OVCH2: variants seen among roughly 807,000 people sequenced by gnomAD.
OVCH2 encodes the protein ovochymase 2.
OVCH2 carries 88 observed loss-of-function variants against 73.7 expected under a neutral mutation model. The observed-to-expected ratio is 1.19, with a 90% CI of 1.01 to 1.43. OVCH2 has a LOEUF of 1.43. Ranked by LOEUF, OVCH2 falls within the 40% of genes most tolerant of loss-of-function variation. The pLI is 0.00. For missense variants in OVCH2, 706 were observed against 674.5 expected (o/e 1.05, Z -0.52); for synonymous variants, 265 against 234.5 (o/e 1.13, Z -1.19).
At chr11:7,692,627 G>T (rs141953584) in intron 12 of OVCH2, among the ~76,000 whole-genome samples, 4 of 152,156 alleles carry the variant, frequency 2.6e-5, no homozygotes, top group Non-Finnish European at 5.9e-5. Context: ...AAGTGGGCTC[G>T]GAGTCAAATG....
chr11:7,694,293 C>A (rs968028213), intron 12 of OVCH2, among the ~76,000 whole-genome samples: 1 of 152,252 alleles, frequency 6.6e-6, no homozygotes, highest in Admixed American at 6.5e-5. Flanking sequence ...AACAACTAAC[C>A]ACACACTGCT....
chr11:7,689,471 T>C lies in OVCH2; in HGVS notation c.*163A>G, dbSNP rs200760354. On this transcript the variant is annotated 3_prime_UTR_variant, in exon 16 of 16. Coordinates refer to ENST00000533663, the MANE Select transcript of OVCH2 (RefSeq NM_198185.7). ...ACAACAGAAATTTATTGTCTCATAG[T>C]TCTGGAGGCTAGAAGTCCAAGATCA... is the stretch of plus-strand genomic sequence containing the variant. The C allele has an allele frequency of 1.4e-4, 47 of 347,502 alleles. No homozygotes were observed. In the East Asian group the frequency reaches 3.4e-3, roughly 25 times the overall value. The allele number at this position is 347,502 out of a possible 1,614,324, so 21.5% of individuals were successfully genotyped here. A position where few individuals can be genotyped will look rare whatever the true frequency, so the allele number is the denominator to read the frequency against.
At chr11:7,680,234 C>A in the OVCH2 span, among the ~76,000 whole-genome samples, 1 of 152,142 alleles carries the variant, frequency 6.6e-6, no homozygotes, top group Non-Finnish European at 1.5e-5. Context: ...TGTGTGGTCT[C>A]TTAGGCTACT....
chr11:7,693,549 T>C (rs1272461098), intron 12 of OVCH2, among the ~76,000 whole-genome samples: 2 of 152,246 alleles, frequency 1.3e-5, no homozygotes, highest in Non-Finnish European at 2.9e-5. Flanking sequence ...CACTTCTGGC[T>C]CTGGCATTTT....
chr11:7,701,692 G>C, intron 5 of OVCH2, 24 bp downstream of exon 5: 2 of 1,599,314 alleles, frequency 1.3e-6, no homozygotes, highest in Non-Finnish European at 1.7e-6. Context: ...CTCTGCTTAA[G>C]AGGAATGGCA....
intron 8 of OVCH2, 52 bp downstream of exon 8, chr11:7,698,698 T>G: frequency 6.3e-7 from 1 of 1,576,922 alleles, no homozygotes; most frequent in Non-Finnish European, 8.7e-7. Flanking sequence ...TATTCAGAAA[T>G]GCTAGATGTT....
At chr11:7,681,185 C>G in the OVCH2 span, among the ~76,000 whole-genome samples, 1 of 152,206 alleles carries the variant, frequency 6.6e-6, no homozygotes, top group Non-Finnish European at 1.5e-5. Flanking sequence ...GAGCACCCAG[C>G]CCACTCAGAC....
chr11:7,684,506 ATGTGTGTGTGTGTGTG>A (rs55770590), downstream of OVCH2, among the ~76,000 whole-genome samples: 4 of 141,338 alleles, frequency 2.8e-5, no homozygotes, highest in Non-Finnish European at 4.6e-5. Flanking sequence ...ATACATACAT[ATGTGTGTGTGTGTGTG>A]TGTGTGTGTG....
Position 7,695,604 on chromosome 11 carries a change from A to G in OVCH2, c.1248T>C (p.Leu416=). The part of the protein sequence containing the change: ...DATDNAAGFN[L]TYKALKPNYI... ...AGTTTGGTTTAAGAGCTTTATAGGT[A>G]AGATTAAACCCAGCTGCATTATCTG... The change falls in exon 11 of 16, where the codon CTT becomes CTC. Residue 416 remains leucine (L), a synonymous_variant. Coordinates refer to ENST00000533663, the MANE Select transcript of OVCH2 (RefSeq NM_198185.7). 1 of 1,613,696 alleles carries G rather than the reference A, an allele frequency of 6.2e-7. No individual in the cohort carries two copies.
chr11:7,681,374 G>C, the OVCH2 span, among the ~76,000 whole-genome samples: 1 of 152,134 alleles, frequency 6.6e-6, no homozygotes, highest in African/African-American at 2.4e-5. Flanking sequence ...CATTACTTAT[G>C]CAACATAAAT....
At chr11:7,701,081 T>C (rs1490164180) in intron 6 of OVCH2, among the ~76,000 whole-genome samples, 2 of 152,210 alleles carry the variant, frequency 1.3e-5, no homozygotes, top group Non-Finnish European at 2.9e-5. Flanking sequence ...GGAATCAGTC[T>C]TCCTGCAGCC....
At chr11:7,695,305 G>GAACA in intron 11 of OVCH2, 117 bp from the exon 12 acceptor site, 1 of 1,278,254 alleles carries the variant, frequency 7.8e-7, no homozygotes, top group South Asian at 1.6e-5. Flanking sequence ...CAGACACTGC[G>GAACA]AACAAGAAAA....
In OVCH2 at chr11:7,700,435, A is replaced by T. The variant is rs1856415147; in HGVS notation, c.762T>A (p.Thr254=). The T allele has an allele frequency of 1.2e-6, 2 of 1,611,838 alleles. No individual in the cohort carries two copies. The change falls in exon 7 of 16, where the codon ACT becomes ACA. Residue 254 remains threonine (T), a synonymous_variant. Coordinates refer to ENST00000533663, the MANE Select transcript of OVCH2 (RefSeq NM_198185.7). ...LMCRNKKGAW[T]LAGVTSWGLG... ...AACCCCAGGAAGTCACACCAGCCAG[A>T]GTCCAGGCCCCTTTCTTATTCCGGC...
intron 8 of OVCH2, among the ~76,000 whole-genome samples, chr11:7,697,290 C>G (rs1856356161): frequency 6.6e-6 from 1 of 152,208 alleles, no homozygotes; most frequent in South Asian, 2.1e-4. Context: ...GATCCTCCCA[C>G]CTGAGCCTCC....
intron 12 of OVCH2, among the ~76,000 whole-genome samples, chr11:7,692,276 G>A (rs1160125810): frequency 3.3e-5 from 5 of 152,114 alleles, no homozygotes; most frequent in South Asian, 2.1e-4. Context: ...GAGAGCTACC[G>A]CATGGGGATT....
chr11:7,700,427 C>A lies in OVCH2; in HGVS notation c.770G>T (p.Gly257Val), dbSNP rs61759818. ...RNKKGAWTLA[G>V]VTSWGLGCGR... is the part of the protein sequence containing the mutation. ...ACAGCCCAAACCCCAGGAAGTCACA[C>A]CAGCCAGAGTCCAGGCCCCTTTCTT... Residue 257 changes from glycine (G) to valine (V), a missense_variant, in exon 7 of 16, where the codon GGT becomes GTT. Coordinates refer to ENST00000533663, the MANE Select transcript of OVCH2 (RefSeq NM_198185.7). 3.7e-6 allele frequency: 6 copies of A among 1,612,292 alleles called. No individual in the cohort carries two copies. Among genetic ancestry groups the A allele is most frequent in the Middle Eastern group, 1.7e-4 (1 of 6,060 alleles).
chr11:7,688,287 G>A (rs1326063091), downstream of OVCH2, among the ~76,000 whole-genome samples: 1 of 152,100 alleles, frequency 6.6e-6, no homozygotes, highest in Non-Finnish European at 1.5e-5. Context: ...GACATCTGCA[G>A]CTGGATATCC....
intron 12 of OVCH2, among the ~76,000 whole-genome samples, chr11:7,693,526 G>C (rs1375122602): frequency 6.6e-6 from 1 of 152,154 alleles, no homozygotes; most frequent in Non-Finnish European, 1.5e-5. Context: ...TTATTGAAGA[G>C]ATATTTTTCA....
chr11:7,694,790 G>A (rs1287064455), intron 12 of OVCH2, among the ~76,000 whole-genome samples: 2 of 133,656 alleles, frequency 1.5e-5, no homozygotes, highest in Non-Finnish European at 3.1e-5. Flanking sequence ...TCAATACAAA[G>A]ATTAAAGCGG....
Sources: gnomAD v4.1 joint callset for allele counts (sites outside exome capture counted in the v4.1 genomes callset) on GRCh38, gnomAD v4.1.1 for gene constraint, MANE v1.5 for transcripts, NCBI Gene and HGNC (gene_info 2026-07-23, HGNC 2026-07-21) for gene names.